Variants in FAM13B observed in about 807,000 individuals in gnomAD.
FAM13B encodes protein FAM13B.
A neutral mutation model predicts 117.3 loss-of-function variants in FAM13B; 60 were observed. The observed-to-expected ratio is 0.51, with a 90% CI of 0.42 to 0.63. FAM13B has a LOEUF of 0.63. FAM13B is among the 30% of genes least tolerant of loss of function. The pLI, the probability that FAM13B is intolerant of heterozygous loss-of-function variation, is 0.00. For missense variants in FAM13B, 972 were observed against 1,091.9 expected, an observed-to-expected ratio of 0.89 and a Z score of 1.55; for synonymous variants, 332 against 356.1, an observed-to-expected ratio of 0.93 and a Z score of 0.76.
chr5:138,046,182 G>A (rs954955358), intron 1 of FAM13B, among the ~76,000 whole-genome samples: 1 of 152,186 alleles, frequency 6.6e-6, no homozygotes, highest in African/African-American at 2.4e-5. Context: ...ATCCACATAA[G>A]ATGTGACTTG....
intron 4 of FAM13B, among the ~76,000 whole-genome samples, chr5:138,012,474 CAATT>C (rs1784288938): frequency 6.6e-6 from 1 of 152,160 alleles, no homozygotes; most frequent in Non-Finnish European, 1.5e-5. Context: ...CTAAAATAAA[CAATT>C]AACTTCAGCA....
At chr5:138,024,811 AC>A (rs1787785390) in intron 1 of FAM13B, among the ~76,000 whole-genome samples, 1 of 13,056 alleles carries the variant, frequency 7.7e-5, no homozygotes, top group African/African-American at 1.4e-4. Context: ...ACACACACAC[AC>A]AGAGAGAGAG....
At chr5:137,946,399 C>A (rs916782194) in intron 18 of FAM13B, 88 bp from the exon 19 acceptor site, 1 of 798,610 alleles carries the variant, frequency 1.3e-6, no homozygotes, top group South Asian at 1.7e-5. Flanking sequence ...ATTCTCCTCA[C>A]TCCCACAATG....
Position 138,019,071 on chromosome 5 carries a change from G to A in FAM13B, c.41C>T (p.Ser14Phe). The change falls in exon 3 of 24, where the codon TCC becomes TTC. Residue 14 changes from serine (S) to phenylalanine (F), a missense_variant. Coordinates refer to ENST00000689681, the MANE Select transcript of FAM13B (RefSeq NM_001385994.1). ...TCCAAATATTTTGTTAGCAAGAACGGAGTTGCAGTTACTCAAGGAAGGGGA... is the reference window on the plus strand; with the variant it reads ...TCCAAATATTTTGTTAGCAAGAACGAAGTTGCAGTTACTCAAGGAAGGGGA... ...SSSPSLSNCNSVLANKIFGIP... is the reference protein window; with the variant it reads ...SSSPSLSNCNFVLANKIFGIP... The A allele has an allele frequency of 1.2e-6, 2 of 1,614,056 alleles. No homozygotes were observed. The highest frequency in any genetic ancestry group is 8.5e-7 in the Non-Finnish European group (1 of 1,179,984).
intron 10 of FAM13B, among the ~76,000 whole-genome samples, chr5:137,971,839 T>C (rs1772280943): frequency 3.3e-5 from 5 of 152,122 alleles, no homozygotes; most frequent in South Asian, 2.1e-4. Context: ...AACACCTGTA[T>C]GCAAATAAAC....
At chr5:137,964,984 T>C (rs998237290) in intron 10 of FAM13B, among the ~76,000 whole-genome samples, 1 of 151,972 alleles carries the variant, frequency 6.6e-6, no homozygotes, top group Non-Finnish European at 1.5e-5. Flanking sequence ...CTGGCCAACA[T>C]GGTGAAATCC....
intron 7 of FAM13B, among the ~76,000 whole-genome samples, chr5:138,004,864 CGA>C (rs1429471384): frequency 6.6e-6 from 1 of 151,978 alleles, no homozygotes; most frequent in Non-Finnish European, 1.5e-5. Context: ...GATGACAGAG[CGA>C]GAGACCCTGT....
intron 10 of FAM13B, among the ~76,000 whole-genome samples, chr5:137,979,933 G>A (rs1318382060): frequency 2.0e-5 from 3 of 151,262 alleles, no homozygotes; most frequent in Non-Finnish European, 2.9e-5. Flanking sequence ...AGGCCAAGGC[G>A]CGAGGATCAC....
intron 1 of FAM13B, among the ~76,000 whole-genome samples, chr5:138,026,991 G>A (rs542397105): frequency 2.1e-5 from 3 of 144,336 alleles, no homozygotes; most frequent in South Asian, 2.2e-4. Context: ...ATAAATTAGC[G>A]AAGTGTGGTG....
intron 1 of FAM13B, among the ~76,000 whole-genome samples, chr5:138,046,806 G>A (rs1361029068): frequency 1.3e-5 from 2 of 151,844 alleles, no homozygotes; most frequent in East Asian, 3.9e-4. Context: ...GAGTACAGTG[G>A]CACAATCTCA....
chr5:137,982,250 GAAGT>G (rs1286745998), intron 10 of FAM13B, among the ~76,000 whole-genome samples: 4 of 152,064 alleles, frequency 2.6e-5, no homozygotes, highest in Non-Finnish European at 5.9e-5. Flanking sequence ...CTTATCTTCT[GAAGT>G]AAGTCATAAA....
rs1760949750 is a variant in FAM13B at position 137,939,142 on chromosome 5, G to A, written c.*1083C>T. ...TGTAAACAGCTGCTTTAAACAGCAT[G>A]TTATGATTGACCAAAGGGTGGTCCC... is the stretch of plus-strand genomic sequence containing the variant. On this transcript the variant is annotated 3_prime_UTR_variant, in exon 24 of 24. Transcript: ENST00000689681. 1 of 152,092 alleles carries A rather than the reference G, an allele frequency of 6.6e-6. No individual in the cohort carries two copies. Among genetic ancestry groups the A allele is most frequent in the South Asian group, 2.1e-4 (1 of 4,818 alleles). 9.4% of individuals were successfully genotyped at this position (152,092 alleles called of 1,614,324 possible). A position where few individuals can be genotyped will look rare whatever the true frequency, so the allele number is the denominator to read the frequency against.
At chr5:137,989,889 C>T (rs920306010) in intron 7 of FAM13B, among the ~76,000 whole-genome samples, 4 of 146,944 alleles carry the variant, frequency 2.7e-5, no homozygotes, top group Admixed American at 6.8e-5. Context: ...TCCAAAAAAG[C>T]TGGGGGGAAA....
chr5:137,990,921 T>C (rs1254516602), intron 7 of FAM13B, among the ~76,000 whole-genome samples: 1 of 152,196 alleles, frequency 6.6e-6, no homozygotes, highest in Non-Finnish European at 1.5e-5. Context: ...TAAAAATTTC[T>C]TATGGAAATC....
chr5:138,029,139 A>G (rs1425788765), intron 1 of FAM13B, among the ~76,000 whole-genome samples: 3 of 152,226 alleles, frequency 2.0e-5, no homozygotes, highest in Non-Finnish European at 2.9e-5. Flanking sequence ...TCACTCTCCA[A>G]CTGAATCCTC....
intron 7 of FAM13B, among the ~76,000 whole-genome samples, chr5:138,003,806 C>T (rs934024780): frequency 1.3e-5 from 2 of 152,196 alleles, no homozygotes; most frequent in Admixed American, 6.5e-5. Flanking sequence ...ACAGCAATAG[C>T]CACATGCTGA....
At chr5:137,981,604 T>C (rs199663335) in intron 10 of FAM13B, among the ~76,000 whole-genome samples, 2 of 152,018 alleles carry the variant, frequency 1.3e-5, no homozygotes, top group South Asian at 2.1e-4. Flanking sequence ...TGGCCAACAC[T>C]GTGAAACCCC....
At chr5:137,988,845 C>A (rs1307814840) in intron 7 of FAM13B, among the ~76,000 whole-genome samples, 1 of 152,166 alleles carries the variant, frequency 6.6e-6, no homozygotes, top group East Asian at 1.9e-4. Context: ...TCTAAAGAAA[C>A]TATTTTTCAC....
In FAM13B at chr5:137,956,633, C is replaced by T. The variant is rs111612343; in HGVS notation, c.1442-91G>A. 2.2e-3 allele frequency: 1,732 copies of T among 792,464 alleles called. 2 individuals carry two copies. Among genetic ancestry groups the T allele is most frequent in the Non-Finnish European group, 2.6e-3 (1,398 of 546,766 alleles). The allele number at this position is 792,464 out of a possible 1,614,324, so 49.1% of individuals were successfully genotyped here. On this transcript the variant is annotated intron_variant, in intron 13 of 23. Transcript: ENST00000689681. The stretch of plus-strand genomic sequence containing the variant: ...TACACATAACACAAAGCCAAAGATA[C>T]CAAAAACATTTCCCTAAAACCAGTT...
Sources: gnomAD v4.1 joint callset for allele counts (sites outside exome capture counted in the v4.1 genomes callset) on GRCh38, gnomAD v4.1.1 for gene constraint, MANE v1.5 for transcripts, NCBI Gene and HGNC (gene_info 2026-07-23, HGNC 2026-07-21) for gene names.